GRAMD1B: variants seen among roughly 807,000 people sequenced by gnomAD.
GRAMD1B encodes GRAM domain containing 1B, also known as protein Aster-B.
In GRAMD1B, 37 loss-of-function variants were observed where a neutral mutation model predicts 99.7. That is an observed-to-expected ratio of 0.37 (90% CI 0.29 to 0.49). GRAMD1B has a LOEUF of 0.49. Ranked by LOEUF, GRAMD1B falls within the 20% of genes least tolerant of loss-of-function variation. The pLI is 0.98. For synonymous variants in GRAMD1B, 427 were observed against 387.6 expected (o/e 1.10, Z -1.19); for missense variants, 888 against 1,009.2 (o/e 0.88, Z 1.63).
chr11:123,591,809 T>C lies in GRAMD1B; in HGVS notation c.685-2273T>C, dbSNP rs1158841430. Among the ~76,000 whole-genome samples, 2 of 152,302 alleles carry C rather than the reference T, an allele frequency of 1.3e-5. No individual in the cohort carries two copies. Among genetic ancestry groups the C allele is most frequent in the Middle Eastern group, 3.4e-3 (1 of 294 alleles). ...CCATGCACACAACAGCCTTGTGGAA[T>C]AGGCTTGTGTTGGGAAGCCTGGATA... On this transcript the variant is annotated intron_variant, in intron 4 of 19. Transcript: ENST00000635736. The surrounding 1 kb of genome is among the most constrained non-coding windows in gnomAD (Gnocchi z 4.7).
intron 12 of GRAMD1B, among the ~76,000 whole-genome samples, chr11:123,609,078 C>T (rs538464696): frequency 2.0e-5 from 3 of 152,232 alleles, no homozygotes; most frequent in African/African-American, 4.8e-5. Context: ...TGTCCCTCCC[C>T]TCACAGGGCT....
intron 2 of GRAMD1B, among the ~76,000 whole-genome samples, chr11:123,504,818 A>G (rs1298993677): frequency 6.6e-6 from 1 of 152,164 alleles, no homozygotes; most frequent in African/African-American, 2.4e-5. Flanking sequence ...AGTAGCTGGA[A>G]TCACAGGCGT....
At chr11:123,560,553 G>A (rs1041837788) in intron 2 of GRAMD1B, 3 of 1,068,136 alleles carry the variant, frequency 2.8e-6, no homozygotes, top group Admixed American at 2.3e-5. Context: ...CCTCCTCAGG[G>A]CCCCCGCTCC....
intron 1 of GRAMD1B, among the ~76,000 whole-genome samples, chr11:123,470,429 C>A (rs1406416981): frequency 6.6e-6 from 1 of 151,996 alleles, no homozygotes; most frequent in East Asian, 1.9e-4. Flanking sequence ...AAGTGATAAC[C>A]CCACCTTGGC....
intron 1 of GRAMD1B, among the ~76,000 whole-genome samples, chr11:123,438,342 C>G (rs1191416942): frequency 6.6e-6 from 1 of 152,148 alleles, no homozygotes; most frequent in African/African-American, 2.4e-5. Flanking sequence ...CCCTATCCCC[C>G]CAGGGCCTGG....
At chr11:123,600,598 A>AT in intron 8 of GRAMD1B, 50 bp downstream of exon 8, 3 of 1,192,288 alleles carry the variant, frequency 2.5e-6, no homozygotes, top group Non-Finnish European at 3.7e-6. Context: ...ATCTCTAGAG[A>AT]AGCCTTTGTC....
chr11:123,596,110 G>A lies in GRAMD1B; in HGVS notation c.969+73G>A, dbSNP rs180896614. On this transcript the variant is annotated intron_variant, in intron 7 of 19. Coordinates refer to ENST00000635736, the MANE Select transcript of GRAMD1B (RefSeq NM_001387025.1). ...TACTCTTGTATTTCTGCCCTTTCTTGAATCGCATGAATGTGGAAGCCAATA... is the reference window on the plus strand; with the variant it reads ...TACTCTTGTATTTCTGCCCTTTCTTAAATCGCATGAATGTGGAAGCCAATA... 133 of 807,700 alleles carry A rather than the reference G, an allele frequency of 1.6e-4. No individual in the cohort carries two copies. In the African/African-American group the frequency reaches 2.0e-3, roughly 12 times the overall value. 50.0% of individuals were successfully genotyped at this position (807,700 alleles called of 1,614,324 possible). A position where few individuals can be genotyped will look rare whatever the true frequency, so the allele number is the denominator to read the frequency against.
chr11:123,444,506 T>C (rs1949549907), intron 1 of GRAMD1B, among the ~76,000 whole-genome samples: 1 of 152,104 alleles, frequency 6.6e-6, no homozygotes, highest in South Asian at 2.1e-4. Context: ...ATGTTAAAGC[T>C]GGTCAGTTGT....
intron 2 of GRAMD1B, among the ~76,000 whole-genome samples, chr11:123,511,203 G>T (rs1206202542): frequency 6.6e-6 from 1 of 152,146 alleles, no homozygotes; most frequent in African/African-American, 2.4e-5. Flanking sequence ...TAAGGAATGG[G>T]TGGGGTTGGT....
At chr11:123,607,051 T>G (rs1148089) in intron 11 of GRAMD1B, among the ~76,000 whole-genome samples, 12,887 of 152,270 alleles carry the variant, frequency 0.085, 705 homozygotes, top group Admixed American at 0.16. Flanking sequence ...GACATTGGCT[T>G]GCCTTGCGAC....
chr11:123,546,635 G>A (rs1396432800), intron 2 of GRAMD1B, among the ~76,000 whole-genome samples: 2 of 152,158 alleles, frequency 1.3e-5, no homozygotes, highest in African/African-American at 2.4e-5. Flanking sequence ...GCCATTGGTC[G>A]AGGAGAGAAT....
chr11:123,574,184 G>A (rs1984797), intron 2 of GRAMD1B, among the ~76,000 whole-genome samples: 6,952 of 152,146 alleles, frequency 0.046, 491 homozygotes, highest in African/African-American at 0.15. Context: ...GGAGGCAGGA[G>A]AAAGAGCATG....
At chr11:123,465,603 C>T (rs1221366094) in intron 1 of GRAMD1B, among the ~76,000 whole-genome samples, 1 of 151,310 alleles carries the variant, frequency 6.6e-6, no homozygotes, top group Non-Finnish European at 1.5e-5. Flanking sequence ...CCCATCTCTA[C>T]TAAAAAAAAT....
intron 1 of GRAMD1B, among the ~76,000 whole-genome samples, chr11:123,373,582 G>A (rs1014229773): frequency 2.0e-5 from 3 of 152,174 alleles, no homozygotes; most frequent in Non-Finnish European, 4.4e-5. Context: ...TTGCAGAAAA[G>A]GCATAGTGGA....
chr11:123,513,566 TTCCTTCC>T (rs1941282336), intron 2 of GRAMD1B, among the ~76,000 whole-genome samples: 3 of 113,398 alleles, frequency 2.6e-5, no homozygotes, highest in African/African-American at 1.2e-4. Flanking sequence ...CCTTCCTTCC[TTCCTTCC>T]TTCCTTTCCT....
chr11:123,602,516 T>C lies in GRAMD1B; in HGVS notation c.1051-910T>C, dbSNP rs1952113998. ...CGGTGCAAACATTTTTGAAATGGGA[T>C]TTTTTTTTTTAAAGATAATGATTGC... On this transcript the variant is annotated intron_variant, in intron 8 of 19. Coordinates refer to ENST00000635736, the MANE Select transcript of GRAMD1B (RefSeq NM_001387025.1). 2.8e-5 allele frequency among the ~76,000 whole-genome samples: 4 copies of C among 140,756 alleles called. No individual in the cohort carries two copies. In the South Asian group the frequency reaches 9.4e-4, roughly 33 times the overall value. The allele number at this position is 140,756 out of a possible 152,430, so 92.3% of individuals were successfully genotyped here.
chr11:123,520,155 C>A (rs970392230), intron 2 of GRAMD1B, among the ~76,000 whole-genome samples: 1 of 152,168 alleles, frequency 6.6e-6, no homozygotes, highest in South Asian at 2.1e-4. Flanking sequence ...AAAGCAGCTG[C>A]AATCAAAAGG....
chr11:123,545,603 C>T (rs1347326962), intron 2 of GRAMD1B, among the ~76,000 whole-genome samples: 1 of 152,160 alleles, frequency 6.6e-6, no homozygotes, highest in Non-Finnish European at 1.5e-5. Flanking sequence ...CAATCTCTGC[C>T]TCTTTTCTCA....
Position 123,534,419 on chromosome 11 carries a change from A to AAC in GRAMD1B, c.453-42948_453-42947insAC, listed in dbSNP as rs1943735612. Reference sequence around the variant, plus strand: ...ATTTGGACTTGCACAGTTCAAATCCATGTTGTTCAGGGGTCACTTGTACAA... The same window carrying AAC: ...ATTTGGACTTGCACAGTTCAAATCCAACTGTTGTTCAGGGGTCACTTGTACAA... On this transcript the variant is annotated intron_variant, in intron 2 of 19. Coordinates refer to ENST00000635736, the MANE Select transcript of GRAMD1B (RefSeq NM_001387025.1). Among the ~76,000 whole-genome samples, 3 of 152,346 alleles carry AAC rather than the reference A, an allele frequency of 2.0e-5. No individual in the cohort carries two copies. In the South Asian group the frequency reaches 6.2e-4, roughly 32 times the overall value.
Sources: gnomAD v4.1 joint callset for allele counts (sites outside exome capture counted in the v4.1 genomes callset) on GRCh38, gnomAD v4.1.1 for gene constraint, Gnocchi (gnomAD v3.1) non-coding constraint, MANE v1.5 for transcripts, NCBI Gene and HGNC (gene_info 2026-07-23, HGNC 2026-07-21) for gene names.